The following PLCE1 variants were observed in gnomAD, a reference collection of about 807,000 sequenced individuals.
PLCE1 encodes 1-phosphatidylinositol 4,5-bisphosphate phosphodiesterase epsilon-1.
Under a neutral mutation model 242.8 loss-of-function variants are expected in PLCE1, and 119 were observed. That is an observed-to-expected ratio of 0.49 (90% CI 0.42 to 0.57). The LOEUF (loss-of-function observed/expected upper bound fraction) is 0.57. Ranked by LOEUF, PLCE1 falls within the 20% of genes least tolerant of loss-of-function variation. The pLI is 0.00. For missense variants in PLCE1, 2,441 were observed against 2,788.8 expected (o/e 0.88, Z 2.81); for synonymous variants, 945 against 1,017.4 (o/e 0.93, Z 1.35).
intron 2 of PLCE1, chr10:94,107,069 A>G (rs2045775471): frequency 6.6e-6 from 1 of 150,780 alleles, no homozygotes; most frequent in Non-Finnish European, 1.5e-5. Flanking sequence ...GAGGCTACCT[A>G]GAGAAGAGTG....
At chr10:94,151,701 G>A (rs1334324112) in intron 3 of PLCE1, among the ~76,000 whole-genome samples, 1 of 152,186 alleles carries the variant, frequency 6.6e-6, no homozygotes, top group Non-Finnish European at 1.5e-5. Context: ...AGTTCAGGCT[G>A]AAAGGCTGCA....
At chr10:94,321,833 G>C (rs533394646) in intron 29 of PLCE1, 68 bp from the exon 30 acceptor site, 162 of 1,197,038 alleles carry the variant, frequency 1.4e-4, no homozygotes, top group Admixed American at 2.6e-4. Context: ...TCAGATTTTT[G>C]CTAGATTTGT....
chr10:94,010,253 A>G (rs1295370378), intron 1 of PLCE1, among the ~76,000 whole-genome samples: 1 of 152,244 alleles, frequency 6.6e-6, no homozygotes, highest in East Asian at 1.9e-4. Context: ...TTTGAGCCAC[A>G]GCTGGAACTG....
chr10:94,137,711 A>G (rs1044417903), intron 3 of PLCE1: 1 of 170,672 alleles, frequency 5.9e-6, no homozygotes, highest in African/African-American at 2.4e-5. Flanking sequence ...GAGGCCAGCA[A>G]GACATCTGCC....
chr10:94,136,183 A>G (rs932764), intron 3 of PLCE1, among the ~76,000 whole-genome samples: 59,268 of 151,986 alleles, frequency 0.39, 12,893 homozygotes, highest in East Asian at 0.56. Context: ...TACTTAGGGT[A>G]GTCAAAATCA....
At chr10:94,181,144 A>G (rs1053901715) in intron 4 of PLCE1, among the ~76,000 whole-genome samples, 3 of 152,246 alleles carry the variant, frequency 2.0e-5, no homozygotes, top group Admixed American at 1.3e-4. Flanking sequence ...TTCCTTGAAC[A>G]GTAGTTCTCA....
intron 1 of PLCE1, among the ~76,000 whole-genome samples, chr10:93,997,862 T>G (rs1239334766): frequency 1.3e-5 from 2 of 152,110 alleles, no homozygotes; most frequent in Non-Finnish European, 2.9e-5. Flanking sequence ...TAAGAACTGG[T>G]AGGAAAAGAG....
At chr10:94,014,286 A>G (rs181003380) in intron 1 of PLCE1, among the ~76,000 whole-genome samples, 1 of 152,148 alleles carries the variant, frequency 6.6e-6, no homozygotes, top group Admixed American at 6.5e-5. Flanking sequence ...AATATACATA[A>G]CAAAATTGAT....
At chr10:94,055,533 G>A (rs1489956593) in intron 2 of PLCE1, among the ~76,000 whole-genome samples, 1 of 152,066 alleles carries the variant, frequency 6.6e-6, no homozygotes, top group East Asian at 1.9e-4. Flanking sequence ...GGCCAGGCTG[G>A]TGTCAAACTC....
At chr10:94,159,567 G>C (rs530444206) in intron 3 of PLCE1, among the ~76,000 whole-genome samples, 1 of 152,198 alleles carries the variant, frequency 6.6e-6, no homozygotes, top group East Asian at 1.9e-4. Context: ...CAAAGCAAAG[G>C]AAAATGGATA....
intron 2 of PLCE1, among the ~76,000 whole-genome samples, chr10:94,123,792 C>T (rs2046363902): frequency 6.6e-6 from 1 of 152,164 alleles, no homozygotes; most frequent in South Asian, 2.1e-4. Context: ...AACCATAGCG[C>T]AGAGCTCTTA....
At chr10:94,088,935 G>A in intron 2 of PLCE1, 7 of 600,980 alleles carry the variant, frequency 1.2e-5, no homozygotes, top group Admixed American at 3.5e-5. Context: ...ATGTTTCACA[G>A]AGGTTTTTGC....
At chr10:94,247,395 A>G (rs1347051682) in intron 8 of PLCE1, among the ~76,000 whole-genome samples, 1 of 152,068 alleles carries the variant, frequency 6.6e-6, no homozygotes, top group Non-Finnish European at 1.5e-5. Flanking sequence ...CCATCTGCAA[A>G]GAAACCAGTT....
intron 25 of PLCE1, among the ~76,000 whole-genome samples, chr10:94,305,109 T>C (rs1042511255): frequency 2.0e-5 from 3 of 152,176 alleles, no homozygotes; most frequent in South Asian, 4.1e-4. Flanking sequence ...AATTAACTTA[T>C]TGTCAAAACT....
At chr10:94,012,265 T>C (rs138451892) in intron 1 of PLCE1, among the ~76,000 whole-genome samples, 2 of 152,178 alleles carry the variant, frequency 1.3e-5, no homozygotes, top group East Asian at 3.9e-4. Flanking sequence ...AACTCTGGTT[T>C]ATCTTTTGAG....
At chr10:94,150,718 G>A (rs1468324393) in intron 3 of PLCE1, among the ~76,000 whole-genome samples, 1 of 152,176 alleles carries the variant, frequency 6.6e-6, no homozygotes, top group Non-Finnish European at 1.5e-5. Context: ...AGAGGGTTAA[G>A]CATCTAGGGA....
intron 7 of PLCE1, among the ~76,000 whole-genome samples, chr10:94,243,164 T>C (rs1395820207): frequency 6.6e-6 from 1 of 152,176 alleles, no homozygotes; most frequent in Admixed American, 6.5e-5. Context: ...AGAAGTCATG[T>C]TGGTAGTAGG....
Position 94,171,353 on chromosome 10 carries a change from C to G in PLCE1, c.1666C>G (p.Leu556Val), listed in dbSNP as rs541692822. Residue 556 changes from leucine to valine, a missense_variant, in exon 4 of 33, where the codon CTT (leucine) becomes GTT (valine). By Grantham distance (32) the Leu-to-Val change is conservative (BLOSUM62 1). Around this residue, in one of 5 missense-constraint regions of PLCE1, gnomAD observed 733 missense variants for 754.2 expected, o/e 0.97. Coordinates refer to ENST00000371380, the MANE Select transcript of PLCE1 (RefSeq NM_016341.4). ...CCGCAGGGTCTTGCCAGTCGACTAC[C>G]TTTGCTTCTTAACACGGGACTTGGG... ...IYRRVLPVDY[L>V]CFLTRDLGTP... 15 of 1,614,184 alleles carry G rather than the reference C, an allele frequency of 9.3e-6. No individual in the cohort carries two copies. The highest frequency in any genetic ancestry group is 1.2e-5 in the Non-Finnish European group (14 of 1,180,024).
intron 3 of PLCE1, among the ~76,000 whole-genome samples, chr10:94,150,285 G>A (rs976168291): frequency 6.6e-6 from 1 of 152,180 alleles, no homozygotes; most frequent in African/African-American, 2.4e-5. Flanking sequence ...TGACTTAGAG[G>A]CTAAGTTGAT....
Sources: allele counts gnomAD v4.1 joint callset (sites outside exome capture counted in the v4.1 genomes callset), GRCh38; gene constraint gnomAD v4.1.1; regional missense constraint gnomAD v4.1.1; transcripts MANE v1.5; gene names NCBI Gene and HGNC (gene_info 2026-07-23, HGNC 2026-07-21).